The following PCNT variants were observed in gnomAD, a reference collection of about 807,000 sequenced individuals.
The protein encoded by PCNT is pericentrin.
In PCNT, 319 loss-of-function variants were observed where a neutral mutation model predicts 380.4. The ratio of observed to expected loss-of-function variants is 0.84; its 90% CI spans 0.77 to 0.92. The LOEUF is 0.92. Among genes scored for constraint, PCNT ranks in the 40% least tolerant of loss-of-function variants. The pLI is 0.00. For missense variants in PCNT, 4,400 were observed against 4,255.3 expected (o/e 1.03, Z -0.95); for synonymous variants, 1,845 against 1,735.2 (o/e 1.06, Z -1.57).
At chr21:46,397,593 G>A in intron 22 of PCNT, 99 bp downstream of exon 22, 1 of 1,006,888 alleles carries the variant, frequency 9.9e-7, no homozygotes, top group Non-Finnish European at 1.5e-6. Flanking sequence ...GCAGTAGGAT[G>A]TTGAAGAGGG....
chr21:46,354,157 G>C (rs536102135), intron 11 of PCNT, 89 bp downstream of exon 11: 11 of 1,184,058 alleles, frequency 9.3e-6, no homozygotes, highest in Non-Finnish European at 1.4e-5. Context: ...CTGTGTTTCC[G>C]TCCTTCCCAC....
In PCNT at chr21:46,416,659, C is replaced by A; in HGVS notation, c.6741C>A (p.His2247Gln). The change falls in exon 30 of 47, where the codon CAC becomes CAA. Residue 2247 changes from histidine (H) to glutamine (Q), a missense_variant. Coordinates refer to ENST00000359568, the MANE Select transcript of PCNT (RefSeq NM_006031.6). ...EPWPSLPVTP[H>Q]SGALSLCSAD... The stretch of plus-strand genomic sequence containing the variant: ...GGCCCAGCCTCCCCGTGACACCCCA[C>A]TCAGGAGCCCTGAGCCTGTGCAGTG... 6.4e-7 allele frequency: 1 copy of A among 1,562,984 alleles called. No homozygotes were observed. The highest frequency in any genetic ancestry group is 8.6e-7 in the Non-Finnish European group (1 of 1,156,282).
chr21:46,329,778 G>GTAACT (rs1264544253), intron 2 of PCNT, among the ~76,000 whole-genome samples: 6 of 152,224 alleles, frequency 3.9e-5, no homozygotes, highest in Non-Finnish European at 7.3e-5. Flanking sequence ...GCTGTGAGTA[G>GTAACT]TAACTTAACT....
intron 21 of PCNT, among the ~76,000 whole-genome samples, chr21:46,396,966 G>A (rs567074811): frequency 1.3e-5 from 2 of 152,068 alleles, no homozygotes; most frequent in Non-Finnish European, 2.9e-5. Flanking sequence ...ACAACCCCAG[G>A]CTCTCAGCAC....
intron 6 of PCNT, among the ~76,000 whole-genome samples, chr21:46,347,852 G>T (rs769086188): frequency 2.6e-5 from 4 of 152,210 alleles, no homozygotes; most frequent in South Asian, 2.1e-4. Flanking sequence ...AGTGCATGGG[G>T]TGTGGGTGCT....
rs187012412 is a variant in PCNT, at chr21:46,334,033, T to C, written c.268-364T>C. ...CATCTTGGCTAACATGGTGAAACCC[T>C]GTCTCTACTAAAAATACAAAAATTA... is the stretch of plus-strand genomic sequence containing the variant. On this transcript the variant is annotated intron_variant, in intron 2 of 46. Coordinates refer to ENST00000359568, the MANE Select transcript of PCNT (RefSeq NM_006031.6). Among the ~76,000 whole-genome samples, 741 of 151,918 alleles carry C rather than the reference T, an allele frequency of 4.9e-3. 3 individuals carry two copies. Among genetic ancestry groups the C allele is most frequent in the African/African-American group, 0.015 (613 of 41,430 alleles).
chr21:46,421,838 C>T (rs755906992), intron 31 of PCNT, 132 bp from the exon 32 acceptor site: 13 of 1,002,792 alleles, frequency 1.3e-5, no homozygotes, highest in African/African-American at 4.8e-5. Flanking sequence ...GTGTTTTCTC[C>T]GTGAGCAGAA....
intron 13 of PCNT, among the ~76,000 whole-genome samples, chr21:46,358,022 G>C (rs2084539943): frequency 6.6e-6 from 1 of 152,240 alleles, no homozygotes; most frequent in Non-Finnish European, 1.5e-5. Flanking sequence ...AGCCAGGGCA[G>C]CTCAGGGTCC....
chr21:46,388,803 G>A lies in PCNT; in HGVS notation c.3526G>A (p.Ala1176Thr). The stretch of plus-strand genomic sequence containing the variant: ...TTTGTTTGGAGAGACGCTGAGGGCA[G>A]CCGTCACCCTGAGGAGCCGGATCGG... ...LGLFGETLRA[A>T]VTLRSRIGER... is the part of the protein sequence containing the mutation. The change falls in exon 18 of 47, where the codon GCC (alanine) becomes ACC (threonine). Residue 1176 changes from alanine (A) to threonine (T), a missense_variant. Transcript: ENST00000359568. The surrounding 1 kb of genome is among the most constrained non-coding windows in gnomAD (Gnocchi z 4.2). The A allele has an allele frequency of 6.2e-7, 1 of 1,613,556 alleles. No individual in the cohort carries two copies. The highest frequency in any genetic ancestry group is 8.5e-7 in the Non-Finnish European group (1 of 1,179,974).
intron 43 of PCNT, among the ~76,000 whole-genome samples, chr21:46,442,142 A>C (rs2053622811): frequency 6.6e-6 from 1 of 152,054 alleles, no homozygotes; most frequent in African/African-American, 2.4e-5. Flanking sequence ...ACCAGGCGGG[A>C]GCGGCATGTG....
In PCNT at chr21:46,388,817, GA is replaced by G. The variant is rs1247290792; in HGVS notation, c.3541del (p.Ser1181AlafsTer64). On this transcript the variant is annotated frameshift_variant, in exon 18 of 47. Coordinates refer to ENST00000359568, the MANE Select transcript of PCNT (RefSeq NM_006031.6). LOFTEE classifies it high-confidence loss of function. The surrounding 1 kb of genome is among the most constrained non-coding windows in gnomAD (Gnocchi z 4.2). ...CGCTGAGGGCAGCCGTCACCCTGAGGAGCCGGATCGGGGAGCGCGTGGGGCT... is the reference window on the plus strand; with the variant it reads ...CGCTGAGGGCAGCCGTCACCCTGAGGGCCGGATCGGGGAGCGCGTGGGGCT... ...ETLRAAVTLRSRIGERVGLCL... is the reference protein window; with the variant it reads ...ETLRAAVTLRXRIGERVGLCL... 6.2e-7 allele frequency: 1 copy of G among 1,613,122 alleles called. No individual in the cohort carries two copies. Among genetic ancestry groups the G allele is most frequent in the African/African-American group, 1.3e-5 (1 of 74,924 alleles).
At chr21:46,427,144 T>G (rs1269776293) in intron 33 of PCNT, among the ~76,000 whole-genome samples, 1 of 152,238 alleles carries the variant, frequency 6.6e-6, no homozygotes, top group African/African-American at 2.4e-5. Flanking sequence ...GGGAAGGAGC[T>G]TTGCTGACAT....
intron 15 of PCNT, among the ~76,000 whole-genome samples, chr21:46,378,800 A>G (rs1399135536): frequency 6.6e-6 from 1 of 152,242 alleles, no homozygotes; most frequent in African/African-American, 2.4e-5. Flanking sequence ...AAAAGTTTAC[A>G]AAACCATTTG....
chr21:46,338,052 AT>A (rs1037918447), intron 3 of PCNT, among the ~76,000 whole-genome samples: 3 of 151,682 alleles, frequency 2.0e-5, no homozygotes, highest in African/African-American at 4.8e-5. Flanking sequence ...TTTTGTTTTT[AT>A]TTTTTTGTAG....
At chr21:46,383,164 G>A (rs1353775438) in intron 16 of PCNT, among the ~76,000 whole-genome samples, 3 of 147,386 alleles carry the variant, frequency 2.0e-5, no homozygotes, top group Admixed American at 6.8e-5. Context: ...TGGCGGAAGC[G>A]CATTCACAGT....
intron 15 of PCNT, among the ~76,000 whole-genome samples, chr21:46,370,228 G>T (rs796443235): frequency 3.9e-5 from 6 of 152,178 alleles, no homozygotes; most frequent in African/African-American, 1.4e-4. Flanking sequence ...GGCATCCGGG[G>T]GGGGGTGTCT....
intron 3 of PCNT, among the ~76,000 whole-genome samples, chr21:46,342,358 C>T (rs776556755): frequency 2.6e-5 from 4 of 152,210 alleles, no homozygotes; most frequent in Admixed American, 6.5e-5. Flanking sequence ...CTGCCCCCCT[C>T]GCCCTCCCAA....
rs201728927 is a variant in PCNT, at chr21:46,418,259, G to A, written c.6977G>A (p.Ser2326Asn). The A allele has an allele frequency of 1.2e-4, 195 of 1,610,048 alleles. No homozygotes were observed. The highest frequency in any genetic ancestry group is 1.1e-4 in the Non-Finnish European group (132 of 1,176,402). Residue 2326 changes from serine (S) to asparagine (N), a missense_variant, in exon 31 of 47, where the codon AGT becomes AAT. Ser to Asn is a conservative substitution (Grantham distance 46). Transcript: ENST00000359568. ...TTSFDSQETL[S>N]SPPPGLEGKA... is the part of the protein sequence containing the mutation. ...TCCTTTGATTCTCAAGAAACATTAA[G>A]TTCACCTCCTCCTGGATTAGAAGGA...
chr21:46,366,481 A>G, intron 14 of PCNT, 103 bp from the exon 15 acceptor site: 1 of 924,072 alleles, frequency 1.1e-6, no homozygotes, highest in Non-Finnish European at 1.8e-6. Flanking sequence ...GATGACCTGA[A>G]CAGTTGAAGT....
Sources: gnomAD v4.1 joint callset for allele counts (sites outside exome capture counted in the v4.1 genomes callset) on GRCh38, gnomAD v4.1.1 for gene constraint, Gnocchi (gnomAD v3.1) non-coding constraint, MANE v1.5 for transcripts, NCBI Gene and HGNC (gene_info 2026-07-23, HGNC 2026-07-21) for gene names.